The following THSD4 variants were observed in gnomAD, a reference collection of about 807,000 sequenced individuals.
THSD4 encodes thrombospondin type 1 domain containing 4, also known as thrombospondin type-1 domain-containing protein 4.
THSD4 carries 69 observed loss-of-function variants against 119.0 expected under a neutral mutation model. The ratio of observed to expected loss-of-function variants is 0.58; its 90% CI spans 0.48 to 0.71. THSD4 has a LOEUF of 0.71. THSD4 is among the 30% of genes least tolerant of loss of function. The pLI is 0.00. For missense variants in THSD4, 1,393 were observed against 1,391.1 expected, an observed-to-expected ratio of 1.00 and a Z score of -0.02; for synonymous variants, 524 against 540.4, an observed-to-expected ratio of 0.97 and a Z score of 0.42.
intron 7 of THSD4, among the ~76,000 whole-genome samples, chr15:71,536,838 C>A (rs950589364): frequency 7.2e-5 from 11 of 152,110 alleles, no homozygotes; most frequent in African/African-American, 2.4e-4. Context: ...TATCCTCATT[C>A]TTTTGCGTGT....
intron 1 of THSD4, among the ~76,000 whole-genome samples, chr15:71,106,882 T>A (rs936958348): frequency 9.9e-5 from 15 of 151,696 alleles, no homozygotes; most frequent in African/African-American, 2.2e-4. Flanking sequence ...AAAAAAAAAA[T>A]TTAAAAAGAG....
intron 7 of THSD4, 94 bp from the exon 8 acceptor site, chr15:71,660,436 G>A: frequency 1.3e-6 from 2 of 1,501,204 alleles, no homozygotes; most frequent in South Asian, 1.2e-5. Flanking sequence ...TAAATAGCTA[G>A]AAAAGAAATT....
At chr15:71,202,985 C>T (rs1315632921) in intron 3 of THSD4, among the ~76,000 whole-genome samples, 5 of 152,214 alleles carry the variant, frequency 3.3e-5, no homozygotes, top group South Asian at 2.1e-4. Context: ...CTGGTGGGGA[C>T]GTAGCTGTGT....
chr15:71,229,785 C>T (rs913601115), intron 4 of THSD4, among the ~76,000 whole-genome samples: 1 of 152,114 alleles, frequency 6.6e-6, no homozygotes, highest in African/African-American at 2.4e-5. Flanking sequence ...TCCTCTAATG[C>T]AAGGAAGAAA....
At chr15:71,159,364 A>G (rs2043229217) in intron 3 of THSD4, among the ~76,000 whole-genome samples, 1 of 152,120 alleles carries the variant, frequency 6.6e-6, no homozygotes, top group African/African-American at 2.4e-5. Flanking sequence ...TGTCATTATT[A>G]TTTTGATAAG....
At position 71,330,143 on chromosome 15, in the gene THSD4, C is replaced by T. The variant is rs142867413; in HGVS notation, c.1015+73428C>T. Reference sequence around the variant, plus strand: ...CTAGTATTGTTTATTGTTGTGCCCTCCTGGGCCAAACGAGGAGGGGTGGGA... The same window carrying T: ...CTAGTATTGTTTATTGTTGTGCCCTTCTGGGCCAAACGAGGAGGGGTGGGA... On this transcript the variant is annotated intron_variant, in intron 6 of 17. Coordinates refer to ENST00000261862, the MANE Select transcript of THSD4 (RefSeq NM_024817.3). Among the ~76,000 whole-genome samples, 679 of 151,826 alleles carry T rather than the reference C, an allele frequency of 4.5e-3. 11 individuals are homozygous for T. Among genetic ancestry groups the T allele is most frequent in the Admixed American group, 0.033 (506 of 15,262 alleles).
intron 3 of THSD4, among the ~76,000 whole-genome samples, chr15:71,165,640 G>C (rs981665213): frequency 1.3e-5 from 2 of 152,100 alleles, no homozygotes; most frequent in Non-Finnish European, 1.5e-5. Flanking sequence ...TCAGTAACAT[G>C]GTCTCTGTAC....
intron 7 of THSD4, among the ~76,000 whole-genome samples, chr15:71,654,340 G>A (rs1476959159): frequency 1.3e-5 from 2 of 152,138 alleles, no homozygotes; most frequent in Non-Finnish European, 2.9e-5. Context: ...CAGTTTTACA[G>A]GCATAAGTGT....
intron 7 of THSD4, among the ~76,000 whole-genome samples, chr15:71,473,455 C>T (rs958003089): frequency 5.3e-5 from 8 of 152,162 alleles, no homozygotes; most frequent in African/African-American, 9.7e-5. Context: ...ACCCTGAGCA[C>T]GGAATTACTT....
Position 71,242,731 on chromosome 15 carries a change from G to A in THSD4, c.547G>A (p.Ala183Thr), listed in dbSNP as rs966489623. Residue 183 changes from alanine to threonine, a missense_variant, in exon 5 of 18, where the codon GCA (alanine) becomes ACA (threonine). Coordinates refer to ENST00000261862, the MANE Select transcript of THSD4 (RefSeq NM_024817.3). ...PYILPLQTDT[A>T]HTPQRLRRQK... Reference sequence around the variant, plus strand: ...TATCTTACCACTGCAGACAGACACTGCACACACGCCACAGAGGCTCCGGAG... The same window carrying A: ...TATCTTACCACTGCAGACAGACACTACACACACGCCACAGAGGCTCCGGAG... The A allele has an allele frequency of 6.2e-7, 1 of 1,614,154 alleles. No individual in the cohort carries two copies. Among genetic ancestry groups the A allele is most frequent in the Non-Finnish European group, 8.5e-7 (1 of 1,180,026 alleles).
intron 7 of THSD4, among the ~76,000 whole-genome samples, chr15:71,453,183 TG>T (rs1459082233): frequency 6.6e-6 from 1 of 152,202 alleles, no homozygotes; most frequent in Admixed American, 6.5e-5. Context: ...ACCCAATCTA[TG>T]GTATTCTTTT....
At chr15:71,612,585 G>A (rs560195796) in intron 7 of THSD4, among the ~76,000 whole-genome samples, 1 of 152,196 alleles carries the variant, frequency 6.6e-6, no homozygotes, top group South Asian at 2.1e-4. Context: ...AGCTGTTGAT[G>A]GAGACAAGAG....
chr15:71,598,737 C>T (rs2049952219), intron 7 of THSD4, among the ~76,000 whole-genome samples: 1 of 152,126 alleles, frequency 6.6e-6, no homozygotes. Flanking sequence ...CCTGCCACAG[C>T]CTCCCTACTA....
At chr15:71,235,518 G>T (rs1202025951) in intron 4 of THSD4, among the ~76,000 whole-genome samples, 1 of 150,194 alleles carries the variant, frequency 6.7e-6, no homozygotes, top group Non-Finnish European at 1.5e-5. Flanking sequence ...CCCTATGGAA[G>T]AATTTATTTC....
intron 5 of THSD4, among the ~76,000 whole-genome samples, chr15:71,250,158 A>G (rs1040117059): frequency 2.6e-5 from 4 of 152,114 alleles, no homozygotes; most frequent in African/African-American, 7.2e-5. Context: ...TTTTCTTTGT[A>G]TCCTCATTAC....
chr15:71,167,756 C>T (rs1200033060), intron 3 of THSD4, among the ~76,000 whole-genome samples: 3 of 152,190 alleles, frequency 2.0e-5, no homozygotes, highest in African/African-American at 4.8e-5. Flanking sequence ...TTTGTGTACA[C>T]TGTAGTTTAG....
rs150719401 is a variant in THSD4 at position 71,210,392 on chromosome 15, C to T, written c.100-4643C>T. Reference sequence around the variant, plus strand: ...TTGTTATTGGTGTCACTGTTAAACACCTGCTAATAGGCCTTGCCAGCTGCT... The same window carrying T: ...TTGTTATTGGTGTCACTGTTAAACATCTGCTAATAGGCCTTGCCAGCTGCT... On this transcript the variant is annotated intron_variant, in intron 3 of 17. Coordinates refer to ENST00000261862, the MANE Select transcript of THSD4 (RefSeq NM_024817.3). Among the ~76,000 whole-genome samples the T allele has an allele frequency of 3.8e-4, 58 of 152,248 alleles. No individual in the cohort carries two copies. In the East Asian group the frequency reaches 0.01, roughly 27 times the overall value.
intron 6 of THSD4, among the ~76,000 whole-genome samples, chr15:71,334,257 G>A (rs1377157579): frequency 6.6e-6 from 1 of 152,138 alleles, no homozygotes; most frequent in Non-Finnish European, 1.5e-5. Context: ...TGCATAACAT[G>A]AAACATAAGG....
intron 6 of THSD4, among the ~76,000 whole-genome samples, chr15:71,346,524 C>T (rs867990033): frequency 1.3e-5 from 2 of 152,316 alleles, no homozygotes; most frequent in South Asian, 4.1e-4. Context: ...GACACATCTC[C>T]ATCACTCTTT....
Sources: allele counts gnomAD v4.1 joint callset (sites outside exome capture counted in the v4.1 genomes callset), GRCh38; gene constraint gnomAD v4.1.1; transcripts MANE v1.5; gene names NCBI Gene and HGNC (gene_info 2026-07-23, HGNC 2026-07-21).